ATF6: variants seen among roughly 807,000 people sequenced by gnomAD.
ATF6 encodes activating transcription factor 6, also known as cyclic AMP-dependent transcription factor ATF-6 alpha.
A neutral mutation model predicts 83.6 loss-of-function variants in ATF6; 53 were observed. The observed-to-expected ratio is 0.63, with a 90% CI of 0.51 to 0.80. The LOEUF is 0.80. Among genes scored for constraint, ATF6 ranks in the 30% least tolerant of loss-of-function variants. ATF6 has a pLI of 0.00. For missense variants in ATF6, 744 were observed against 797.9 expected (o/e 0.93, Z 0.81); for synonymous variants, 288 against 285.8 (o/e 1.01, Z -0.08).
intron 7 of ATF6, among the ~76,000 whole-genome samples, chr1:161,803,385 CA>C (rs1460556591): frequency 6.6e-6 from 1 of 152,116 alleles, no homozygotes; most frequent in African/African-American, 2.4e-5. Context: ...CAATGCATGT[CA>C]AGACATGGAA....
intron 15 of ATF6, among the ~76,000 whole-genome samples, chr1:161,938,601 T>G (rs10737518): frequency 6.6e-6 from 1 of 152,022 alleles, no homozygotes; most frequent in African/African-American, 2.4e-5. Context: ...ACTGTAACAA[T>G]TATTTTTTTT....
intron 14 of ATF6, among the ~76,000 whole-genome samples, chr1:161,888,007 T>C (rs1687464144): frequency 6.6e-6 from 1 of 152,240 alleles, no homozygotes; most frequent in South Asian, 2.1e-4. Context: ...TGCTGATTGC[T>C]GACGTCTATG....
chr1:161,858,358 C>G (rs1013588875), intron 12 of ATF6, among the ~76,000 whole-genome samples: 1 of 151,752 alleles, frequency 6.6e-6, no homozygotes, highest in Non-Finnish European at 1.5e-5. Context: ...AGGAAAGATC[C>G]AACTATATAT....
chr1:161,809,834 G>T (rs1487589651), intron 7 of ATF6, among the ~76,000 whole-genome samples: 9 of 151,990 alleles, frequency 5.9e-5, no homozygotes, highest in African/African-American at 2.2e-4. Flanking sequence ...CTGCATAAAT[G>T]TCTTCTTTTG....
rs1571169820 is a variant in ATF6 at position 161,831,135 on chromosome 1, G to T, written c.1187+9974G>T. On this transcript the variant is annotated intron_variant, in intron 9 of 15. Transcript: ENST00000367942. ...CAACCCCATCAAAAAGTGGGTGAAG[G>T]ATATGAACAGACACTTCTCAAAAGA... Among the ~76,000 whole-genome samples, 5 of 152,246 alleles carry T rather than the reference G, an allele frequency of 3.3e-5. No individual in the cohort carries two copies. The East Asian group carries it at 5.8e-4, about 18-fold the overall frequency.
At chr1:161,877,615 G>A (rs1259433858) in intron 14 of ATF6, among the ~76,000 whole-genome samples, 2 of 152,066 alleles carry the variant, frequency 1.3e-5, no homozygotes, top group Non-Finnish European at 2.9e-5. Context: ...TAAGTAGTTT[G>A]GGTTTTATTC....
At chr1:161,953,951 T>C (rs1024561458) in intron 15 of ATF6, among the ~76,000 whole-genome samples, 3 of 152,166 alleles carry the variant, frequency 2.0e-5, no homozygotes, top group African/African-American at 2.4e-5. Context: ...AAGATCAATA[T>C]TGGAGTTCCC....
chr1:161,866,044 A>C (rs1315846399), intron 14 of ATF6, among the ~76,000 whole-genome samples: 2 of 152,182 alleles, frequency 1.3e-5, no homozygotes, highest in African/African-American at 4.8e-5. Flanking sequence ...CTTGTGCAGA[A>C]GGATGTAGAC....
intron 7 of ATF6, among the ~76,000 whole-genome samples, chr1:161,803,777 A>G (rs1173109356): frequency 6.6e-6 from 1 of 152,232 alleles, no homozygotes; most frequent in Non-Finnish European, 1.5e-5. Context: ...TATGATTTTC[A>G]TGGGAGACCA....
At position 161,962,026 on chromosome 1, in the gene ATF6, A is replaced by G. The variant is rs1042072846; in HGVS notation, c.*3372A>G. On this transcript the variant is annotated 3_prime_UTR_variant, in exon 16 of 16. Transcript: ENST00000367942. ...CCTTGAAACAAATCTGCTGTTTGCCATGCTTGTAGTACAGAAACTTCACAT... is the reference window on the plus strand; with the variant it reads ...CCTTGAAACAAATCTGCTGTTTGCCGTGCTTGTAGTACAGAAACTTCACAT... 2.6e-5 allele frequency: 4 copies of G among 152,208 alleles called. No homozygotes were observed. Among genetic ancestry groups the G allele is most frequent in the African/African-American group, 9.6e-5 (4 of 41,456 alleles). The allele number at this position is 152,208 out of a possible 1,614,324, so 9.4% of individuals were successfully genotyped here. A position where few individuals can be genotyped will look rare whatever the true frequency, so the allele number is the denominator to read the frequency against.
intron 10 of ATF6, among the ~76,000 whole-genome samples, chr1:161,849,994 T>G (rs1686577675): frequency 6.6e-6 from 1 of 152,180 alleles, no homozygotes; most frequent in Non-Finnish European, 1.5e-5. Flanking sequence ...AAAATTGTCT[T>G]GAATTGGTCC....
intron 14 of ATF6, among the ~76,000 whole-genome samples, chr1:161,907,831 A>G (rs551695069): frequency 1.1e-4 from 17 of 152,136 alleles, no homozygotes; most frequent in Non-Finnish European, 2.5e-4. Flanking sequence ...TCAGAGTTCC[A>G]TGTTGCCATT....
intron 15 of ATF6, among the ~76,000 whole-genome samples, chr1:161,936,536 T>C (rs932037886): frequency 1.3e-5 from 2 of 152,230 alleles, no homozygotes; most frequent in Non-Finnish European, 2.9e-5. Flanking sequence ...CCTATCTCTC[T>C]CATCATATAT....
At chr1:161,805,827 T>C (rs898002818) in intron 7 of ATF6, among the ~76,000 whole-genome samples, 1 of 151,710 alleles carries the variant, frequency 6.6e-6, no homozygotes. Flanking sequence ...AAAAAAATCA[T>C]ATCAGTTTTT....
At chr1:161,941,820 A>T (rs1471796649) in intron 15 of ATF6, among the ~76,000 whole-genome samples, 1 of 152,156 alleles carries the variant, frequency 6.6e-6, no homozygotes, top group Non-Finnish European at 1.5e-5. Context: ...TGACTTAAAG[A>T]AAGTTTAGTC....
At chr1:161,883,906 G>T (rs1687368123) in intron 14 of ATF6, among the ~76,000 whole-genome samples, 1 of 151,966 alleles carries the variant, frequency 6.6e-6, no homozygotes. Flanking sequence ...AATAGTTCAG[G>T]TCTATTCTGA....
intron 15 of ATF6, among the ~76,000 whole-genome samples, chr1:161,936,314 T>C (rs1688535898): frequency 6.6e-6 from 1 of 152,200 alleles, no homozygotes; most frequent in Non-Finnish European, 1.5e-5. Context: ...TTTTTAATTT[T>C]TAATTTTTGT....
chr1:161,772,420 A>C (rs1684406266), intron 1 of ATF6, among the ~76,000 whole-genome samples: 1 of 152,110 alleles, frequency 6.6e-6, no homozygotes, highest in African/African-American at 2.4e-5. Context: ...TTGCTTTATA[A>C]AGTTTCTTCT....
At chr1:161,838,625 C>T (rs1171439775) in intron 9 of ATF6, among the ~76,000 whole-genome samples, 2 of 152,132 alleles carry the variant, frequency 1.3e-5, no homozygotes, top group Non-Finnish European at 2.9e-5. Flanking sequence ...CATGGGTTTC[C>T]TCACAGTTTA....
Sources: gnomAD v4.1 joint callset for allele counts (sites outside exome capture counted in the v4.1 genomes callset) on GRCh38, gnomAD v4.1.1 for gene constraint, MANE v1.5 for transcripts, NCBI Gene and HGNC (gene_info 2026-07-23, HGNC 2026-07-21) for gene names.